Variants in DRC2 observed in about 807,000 individuals in gnomAD.
The protein encoded by DRC2 is coiled-coil domain containing 65.
chr12:48,904,232 G>C, the DRC2 span: 5 of 1,465,830 alleles, frequency 3.4e-6, no homozygotes, highest in Non-Finnish European at 4.6e-6. Flanking sequence ...CCACAACCAG[G>C]GGCACTTCTG....
chr12:48,907,202 G>A, the DRC2 span, among the ~76,000 whole-genome samples: 2 of 152,122 alleles, frequency 1.3e-5, no homozygotes, highest in African/African-American at 4.8e-5. Flanking sequence ...GTGACAGAGC[G>A]AGACTCCGTC....
At chr12:48,915,356 A>AGCGTTTGTGTCCC in the DRC2 span, among the ~76,000 whole-genome samples, 1 of 144,958 alleles carries the variant, frequency 6.9e-6, no homozygotes, top group African/African-American at 2.6e-5. Context: ...AACAAAGCAC[A>AGCGTTTGTGTCCC]TCTTGCACCG....
the DRC2 span, chr12:48,905,121 C>T: frequency 6.3e-7 from 1 of 1,585,868 alleles, no homozygotes; most frequent in East Asian, 2.3e-5. Flanking sequence ...AAGGTAGGCA[C>T]TCTTTCCAAG....
the DRC2 span, among the ~76,000 whole-genome samples, chr12:48,913,552 G>C: frequency 6.6e-6 from 1 of 152,092 alleles, no homozygotes; most frequent in Non-Finnish European, 1.5e-5. Context: ...GAGTGCAGTG[G>C]TGCAATCTCG....
the DRC2 span, among the ~76,000 whole-genome samples, chr12:48,920,441 T>TTTTAAAAAA: frequency 1.6e-3 from 109 of 67,756 alleles, 3 homozygotes; most frequent in Non-Finnish European, 2.3e-3. Context: ...AACTCCATCT[T>TTTTAAAAAA]AAAAAAAAAA....
At chr12:48,917,421 A>G in the DRC2 span, among the ~76,000 whole-genome samples, 2 of 151,968 alleles carry the variant, frequency 1.3e-5, no homozygotes, top group Non-Finnish European at 2.9e-5. Flanking sequence ...CTGTGATAGC[A>G]ACACTGCCCT....
chr12:48,904,862 T>G, the DRC2 span: 2 of 1,166,128 alleles, frequency 1.7e-6, no homozygotes, highest in Non-Finnish European at 2.4e-6. Context: ...AGGGGTAAGG[T>G]GTCAGCTGAT....
the DRC2 span, among the ~76,000 whole-genome samples, chr12:48,908,614 T>TATTTATTG: frequency 6.7e-6 from 1 of 149,360 alleles, no homozygotes; most frequent in Admixed American, 6.7e-5. Flanking sequence ...ATTATTTATT[T>TATTTATTG]ATTTATTTTA....
At chr12:48,906,090 A>G in the DRC2 span, among the ~76,000 whole-genome samples, 1 of 151,974 alleles carries the variant, frequency 6.6e-6, no homozygotes, top group African/African-American at 2.4e-5. Context: ...TCCATTTTCA[A>G]CAAAACAAAG....
chr12:48,912,562 A>C, the DRC2 span, among the ~76,000 whole-genome samples: 1 of 151,986 alleles, frequency 6.6e-6, no homozygotes, highest in African/African-American at 2.4e-5. Context: ...CTGCCAGGCT[A>C]GCCAAGGGTT....
the DRC2 span, among the ~76,000 whole-genome samples, chr12:48,912,462 T>TAAAAAAAAAAAAAAAAAAAAAA: frequency 2.4e-5 from 1 of 41,386 alleles, no homozygotes; most frequent in African/African-American, 7.2e-5. Context: ...AAAAAAAAAT[T>TAAAAAAAAAAAAAAAAAAAAAA]CATGTGCACT....
the DRC2 span, among the ~76,000 whole-genome samples, chr12:48,915,451 C>T: frequency 1.3e-5 from 2 of 148,574 alleles, no homozygotes; most frequent in Non-Finnish European, 3.0e-5. Context: ...TCAACAGGAT[C>T]CCAAGGCAGA....
At chr12:48,910,356 A>C in the DRC2 span, among the ~76,000 whole-genome samples, 5 of 152,248 alleles carry the variant, frequency 3.3e-5, no homozygotes, top group Non-Finnish European at 7.3e-5. Flanking sequence ...AGCAGGGGTT[A>C]GGTAAACATT....
the DRC2 span, among the ~76,000 whole-genome samples, chr12:48,907,739 G>A: frequency 6.6e-6 from 1 of 152,070 alleles, no homozygotes; most frequent in East Asian, 1.9e-4. Flanking sequence ...GACATTCTTG[G>A]TCATGCCCTG....
the DRC2 span, among the ~76,000 whole-genome samples, chr12:48,911,143 G>A: frequency 6.6e-6 from 1 of 152,128 alleles, no homozygotes; most frequent in South Asian, 2.1e-4. Context: ...GATGCTTAGC[G>A]ATGTTGTATC....
chr12:48,916,196 G>T, the DRC2 span, among the ~76,000 whole-genome samples: 1 of 151,626 alleles, frequency 6.6e-6, no homozygotes, highest in Non-Finnish European at 1.5e-5. Context: ...CCCAGACGGG[G>T]TGGCGGCCGG....
chr12:48,904,862 T>A, the DRC2 span: 2 of 1,166,130 alleles, frequency 1.7e-6, no homozygotes, highest in South Asian at 1.6e-5. Flanking sequence ...AGGGGTAAGG[T>A]GTCAGCTGAT....
At chr12:48,916,613 T>TGGGGAGAGGGAGACCATGGGGAG in the DRC2 span, among the ~76,000 whole-genome samples, 2 of 150,110 alleles carry the variant, frequency 1.3e-5, no homozygotes, top group African/African-American at 4.9e-5. Context: ...AGGGAGACCA[T>TGGGGAGAGGGAGACCATGGGGAG]GGGGAGAGGG....
At chr12:48,920,441 T>TAAAAAAAAA in the DRC2 span, among the ~76,000 whole-genome samples, 1 of 67,816 alleles carries the variant, frequency 1.5e-5, no homozygotes, top group Non-Finnish European at 2.6e-5. Context: ...AACTCCATCT[T>TAAAAAAAAA]AAAAAAAAAA....
Sources: gnomAD v4.1 joint callset for allele counts (sites outside exome capture counted in the v4.1 genomes callset) on GRCh38, gnomAD v4.1.1 for gene constraint, MANE v1.5 for transcripts, NCBI Gene and HGNC (gene_info 2026-07-23, HGNC 2026-07-21) for gene names.